Variants in MEIOB observed in about 807,000 individuals in gnomAD.
MEIOB encodes meiosis specific with OB-fold, also known as meiosis-specific with OB domain-containing protein.
Under a neutral mutation model 53.1 loss-of-function variants are expected in MEIOB, and 50 were observed. The observed-to-expected ratio is 0.94, with a 90% CI of 0.75 to 1.19. The LOEUF is 1.19. Ranked by LOEUF, MEIOB falls within the 50% of genes most tolerant of loss-of-function variation. The pLI, the probability that MEIOB is intolerant of heterozygous loss-of-function variation, is 0.00. For synonymous variants in MEIOB, 192 were observed against 182.5 expected (o/e 1.05, Z -0.42); for missense variants, 551 against 550.8 (o/e 1.00, Z 0.00).
intron 2 of MEIOB, among the ~76,000 whole-genome samples, chr16:1,866,477 C>T (rs1412427159): frequency 6.6e-6 from 1 of 152,018 alleles, no homozygotes; most frequent in African/African-American, 2.4e-5. Flanking sequence ...TCCCAGCACT[C>T]TGGGAGGCTG....
intron 13 of MEIOB, among the ~76,000 whole-genome samples, chr16:1,835,497 G>C (rs1898718680): frequency 2.0e-5 from 3 of 152,066 alleles, no homozygotes; most frequent in East Asian, 3.9e-4. Context: ...TTAATTTCAA[G>C]ACTGAGAGAA....
chr16:1,863,740 T>A (rs558213667), intron 3 of MEIOB, among the ~76,000 whole-genome samples: 5 of 137,286 alleles, frequency 3.6e-5, no homozygotes, highest in Admixed American at 1.5e-4. Flanking sequence ...AAAAAAAAAA[T>A]AAATTTTAAA....
intron 12 of MEIOB, 106 bp from the exon 13 acceptor site, chr16:1,837,976 T>C: frequency 1.4e-6 from 2 of 1,444,100 alleles, no homozygotes. Context: ...GAAATTTTAT[T>C]TGCAGTAATT....
chr16:1,847,972 G>C (rs1332458282), intron 9 of MEIOB, among the ~76,000 whole-genome samples: 1 of 152,060 alleles, frequency 6.6e-6, no homozygotes, highest in African/African-American at 2.4e-5. Flanking sequence ...TTTTGAGACA[G>C]GGTCTTGCTC....
At chr16:1,841,769 A>T (rs1418429369) in intron 11 of MEIOB, 51 bp downstream of exon 11, 2 of 1,348,126 alleles carry the variant, frequency 1.5e-6, no homozygotes, top group African/African-American at 3.0e-5. Context: ...TTTATTAACA[A>T]TAATTATTTC....
chr16:1,868,607 G>T (rs987378397), intron 1 of MEIOB, among the ~76,000 whole-genome samples: 1 of 151,674 alleles, frequency 6.6e-6, no homozygotes, highest in Non-Finnish European at 1.5e-5. Flanking sequence ...TATTATCCCA[G>T]CACTTTTGGA....
chr16:1,847,137 A>G (rs978966790), intron 9 of MEIOB, among the ~76,000 whole-genome samples: 13 of 152,092 alleles, frequency 8.5e-5, no homozygotes, highest in African/African-American at 3.1e-4. Flanking sequence ...CCTGGGCGAC[A>G]TAGCAAGACT....
At chr16:1,866,937 A>C (rs937063639) in intron 2 of MEIOB, among the ~76,000 whole-genome samples, 4 of 152,154 alleles carry the variant, frequency 2.6e-5, no homozygotes, top group African/African-American at 9.7e-5. Flanking sequence ...TTATTTCTTC[A>C]ATTCCTTATA....
rs547907820 is a variant in MEIOB, at chr16:1,859,827, C to T, written c.332+576G>A. Among the ~76,000 whole-genome samples, 82 of 152,202 alleles carry T rather than the reference C, an allele frequency of 5.4e-4. 3 individuals carry two copies. Among genetic ancestry groups the T allele is most frequent in the Admixed American group, 4.3e-3 (66 of 15,286 alleles). On this transcript the variant is annotated intron_variant, in intron 5 of 13. Coordinates refer to ENST00000325962, the MANE Select transcript of MEIOB (RefSeq NM_001163560.3). ...CAGACCCGCCTTTGAGCTGATGCCC[C>T]GCCCCATCCTGCGGGTTTGGGGAGT...
In MEIOB at chr16:1,841,834, T is replaced by C; in HGVS notation, c.1020A>G (p.Val340=). 2 of 1,575,624 alleles carry C rather than the reference T, an allele frequency of 1.3e-6. No homozygotes were observed. The highest frequency in any genetic ancestry group is 2.7e-5 in the African/African-American group (2 of 73,568). ...TLNIDDETTK[V]VRNRCSSCGY... is the part of the protein sequence containing the mutation. ...CGGATCCTTACCATCTATTTCGAACTACTTTTGTAGTTTCATCATCAATGT... is the reference window on the plus strand; with the variant it reads ...CGGATCCTTACCATCTATTTCGAACCACTTTTGTAGTTTCATCATCAATGT... The change falls in exon 11 of 14, where the codon GTA becomes GTG. Residue 340 remains valine (V), a synonymous_variant. Coordinates refer to ENST00000325962, the MANE Select transcript of MEIOB (RefSeq NM_001163560.3).
At chr16:1,866,491 C>T (rs953166185) in intron 2 of MEIOB, among the ~76,000 whole-genome samples, 4 of 152,036 alleles carry the variant, frequency 2.6e-5, no homozygotes, top group Middle Eastern at 3.2e-3. Flanking sequence ...GAGGCTGAGG[C>T]GGGTGGGTCA....
intron 10 of MEIOB, 65 bp downstream of exon 10, chr16:1,844,793 TCAAA>T: frequency 1.4e-6 from 1 of 726,698 alleles, no homozygotes; most frequent in Non-Finnish European, 2.4e-6. Context: ...TTTTACCATG[TCAAA>T]CAAACCTTTA....
chr16:1,837,993 C>A, intron 12 of MEIOB, 123 bp from the exon 13 acceptor site: 1 of 1,443,672 alleles, frequency 6.9e-7, no homozygotes, highest in South Asian at 1.5e-5. Flanking sequence ...AATTACAGCT[C>A]AATCGTTTGT....
intron 9 of MEIOB, among the ~76,000 whole-genome samples, chr16:1,849,114 G>A (rs61589779): frequency 0.13 from 19,460 of 151,772 alleles, 1,226 homozygotes; most frequent in East Asian, 0.16. Context: ...GCAAAACCCC[G>A]TCTCTACGAA....
chr16:1,841,997 A>G (rs778940300), intron 10 of MEIOB, 24 bp from the exon 11 acceptor site: 1 of 1,450,450 alleles, frequency 6.9e-7, no homozygotes, highest in Admixed American at 2.3e-5. Context: ...GAAGTATTAC[A>G]GTTCTGTATA....
chr16:1,852,254 CTTTTTTTTTTTTTTT>C (rs56066518), intron 9 of MEIOB, among the ~76,000 whole-genome samples: 1 of 94,014 alleles, frequency 1.1e-5, no homozygotes, highest in Non-Finnish European at 2.0e-5. Flanking sequence ...TGGTTTTTCA[CTTTTTTTTTTTTTTT>C]TTTTTTTTTT....
rs576637849 is a variant in MEIOB at position 1,849,860 on chromosome 16, A to G, written c.778+3179T>C. ...AACAGATTTTACGTGTTCTCACCAC[A>G]AAAAAAATGATAAGTATGTGAAGTA... On this transcript the variant is annotated intron_variant, in intron 9 of 13. Coordinates refer to ENST00000325962, the MANE Select transcript of MEIOB (RefSeq NM_001163560.3). Among the ~76,000 whole-genome samples the G allele has an allele frequency of 1.3e-3, 198 of 152,106 alleles. 1 individual carries two copies. Among genetic ancestry groups the G allele is most frequent in the Admixed American group, 2.2e-3 (34 of 15,272 alleles).
intron 9 of MEIOB, among the ~76,000 whole-genome samples, chr16:1,845,245 C>T (rs537763045): frequency 5.3e-5 from 8 of 152,236 alleles, no homozygotes; most frequent in South Asian, 4.1e-4. Flanking sequence ...AGGGACCGGG[C>T]GCAGTGGCTC....
intron 5 of MEIOB, among the ~76,000 whole-genome samples, chr16:1,859,087 A>G (rs925425820): frequency 1.3e-5 from 2 of 152,238 alleles, no homozygotes; most frequent in African/African-American, 4.8e-5. Context: ...TTATGCTGAC[A>G]AAAGCCAGGG....
Sources: gnomAD v4.1 joint callset for allele counts (sites outside exome capture counted in the v4.1 genomes callset) on GRCh38, gnomAD v4.1.1 for gene constraint, MANE v1.5 for transcripts, NCBI Gene and HGNC (gene_info 2026-07-23, HGNC 2026-07-21) for gene names.